The following GOLGB1 variants were observed in gnomAD, a reference collection of about 807,000 sequenced individuals.
The protein encoded by GOLGB1 is golgin subfamily B member 1.
A neutral mutation model predicts 336.9 loss-of-function variants in GOLGB1; 174 were observed. The ratio of observed to expected loss-of-function variants is 0.52; its 90% confidence interval spans 0.46 to 0.59. The LOEUF is 0.59. Ranked by LOEUF, GOLGB1 falls within the 20% of genes least tolerant of loss-of-function variation. The pLI is 0.00. For synonymous variants in GOLGB1, 1,208 were observed against 1,289.2 expected (o/e 0.94, Z 1.35); for missense variants, 3,331 against 3,645.3 (o/e 0.91, Z 2.22).
At chr3:121,725,887 T>C (rs1945551008) in intron 5 of GOLGB1, among the ~76,000 whole-genome samples, 2 of 152,076 alleles carry the variant, frequency 1.3e-5, no homozygotes, top group South Asian at 4.1e-4. Context: ...TTGCGCTGCC[T>C]TGCGACACCA....
chr3:121,692,284 A>C lies in GOLGB1; in HGVS notation c.7080T>G (p.Ser2360Arg). 1.2e-6 allele frequency: 2 copies of C among 1,611,506 alleles called. No individual in the cohort carries two copies. Among genetic ancestry groups the C allele is most frequent in the East Asian group, 2.2e-5 (1 of 44,876 alleles). ...QEADIQNSKFSYEQLETDLQA... is the reference protein window; with the variant it reads ...QEADIQNSKFRYEQLETDLQA... ...GAAGATCAGTCTCCAGTTGTTCATAACTGAACTTAGAATTTTGAATATCAG... is the reference window on the plus strand; with the variant it reads ...GAAGATCAGTCTCCAGTTGTTCATACCTGAACTTAGAATTTTGAATATCAG... Residue 2360 changes from serine to arginine, a missense_variant, in exon 14 of 22, where the codon AGT (serine) becomes AGG (arginine). Transcript: ENST00000614479.
chr3:121,697,397 C>T lies in GOLGB1; in HGVS notation c.3126G>A (p.Val1042=). ...ATTCTTTGTTTTCTTTATCTTCTTC[C>T]ACTTCTCCCCTCTCAGTCTCACTGA... ...IPLSETERGE[V]EEDKENKEYS... The change falls in exon 13 of 22, where the codon GTG becomes GTA. Residue 1042 remains valine (V), a synonymous_variant. Coordinates refer to ENST00000614479, the MANE Select transcript of GOLGB1 (RefSeq NM_001366282.2). The T allele has an allele frequency of 6.2e-7, 1 of 1,613,338 alleles. No homozygotes were observed. Among genetic ancestry groups the T allele is most frequent in the Middle Eastern group, 1.7e-4 (1 of 6,058 alleles).
intron 1 of GOLGB1, among the ~76,000 whole-genome samples, chr3:121,743,304 T>C (rs1947012522): frequency 6.6e-6 from 1 of 152,236 alleles, no homozygotes; most frequent in Admixed American, 6.5e-5. Flanking sequence ...GATGAGTTAA[T>C]GTCCTTGGCA....
intron 10 of GOLGB1, among the ~76,000 whole-genome samples, chr3:121,712,860 G>C (rs1944457484): frequency 1.3e-5 from 2 of 152,128 alleles, no homozygotes; most frequent in African/African-American, 2.4e-5. Context: ...TTTTAGGTGG[G>C]AGTATAAAAT....
At chr3:121,731,316 C>T (rs933563729) in intron 1 of GOLGB1, among the ~76,000 whole-genome samples, 3 of 151,982 alleles carry the variant, frequency 2.0e-5, no homozygotes, top group South Asian at 2.1e-4. Flanking sequence ...ATCTTTAATG[C>T]CCTTCTTTCA....
rs78322216 is a variant in GOLGB1, at chr3:121,677,213, C to A, written c.9039+72G>T. 0.1 allele frequency: 127,376 copies of A among 1,270,208 alleles called. 7,262 individuals carry two copies. Among genetic ancestry groups the A allele is most frequent in the African/African-American group, 0.19 (12,277 of 65,440 alleles). The allele number at this position is 1,270,208 out of a possible 1,614,324, so 78.7% of individuals were successfully genotyped here. A position where few individuals can be genotyped will look rare whatever the true frequency, so the allele number is the denominator to read the frequency against. On this transcript the variant is annotated intron_variant, in intron 16 of 21. Coordinates refer to ENST00000614479, the MANE Select transcript of GOLGB1 (RefSeq NM_001366282.2). Reference sequence around the variant, plus strand: ...TCTGGGTAGCGTCTTAAAAAAAAAACAAAACCCTGCAATCATCATCATTTG... The same window carrying A: ...TCTGGGTAGCGTCTTAAAAAAAAAAAAAAACCCTGCAATCATCATCATTTG...
In GOLGB1 at chr3:121,739,229, C is replaced by T. The variant is rs368677408; in HGVS notation, c.-2-8256G>A. On this transcript the variant is annotated intron_variant, in intron 1 of 21. Coordinates refer to ENST00000614479, the MANE Select transcript of GOLGB1 (RefSeq NM_001366282.2). Reference sequence around the variant, plus strand: ...GCAGTGAGCCATAATCACACCCCTACACTCCAGCCTGGGTGATAGAGTAAG... The same window carrying T: ...GCAGTGAGCCATAATCACACCCCTATACTCCAGCCTGGGTGATAGAGTAAG... 3.3e-5 allele frequency among the ~76,000 whole-genome samples: 5 copies of T among 152,162 alleles called. No individual in the cohort carries two copies. The East Asian group carries it at 5.8e-4, about 18-fold the overall frequency.
chr3:121,681,834 T>C lies in GOLGB1; in HGVS notation c.8726A>G (p.Tyr2909Cys), dbSNP rs1451795348. The change falls in exon 15 of 22, where the codon TAC (tyrosine) becomes TGC (cysteine). Residue 2909 changes from tyrosine to cysteine, a missense_variant. Coordinates refer to ENST00000614479, the MANE Select transcript of GOLGB1 (RefSeq NM_001366282.2). The stretch of plus-strand genomic sequence containing the variant: ...AGTGATCTCTTGATTAATCTGTAAG[T>C]ATTGCTGCTGCAGATTCTTCAATTC... ...LKELKNLQQQ[Y>C]LQINQEITEL... The C allele has an allele frequency of 6.2e-7, 1 of 1,605,778 alleles. No homozygotes were observed. The highest frequency in any genetic ancestry group is 8.5e-7 in the Non-Finnish European group (1 of 1,173,900).
intron 10 of GOLGB1, among the ~76,000 whole-genome samples, chr3:121,711,864 AAGTAC>A (rs1398888661): frequency 1.3e-5 from 2 of 152,236 alleles, no homozygotes; most frequent in Non-Finnish European, 2.9e-5. Context: ...GTAGATTTAA[AAGTAC>A]AGTAGTGTTG....
chr3:121,711,017 AC>A (rs1401414118), intron 10 of GOLGB1, among the ~76,000 whole-genome samples: 1 of 151,854 alleles, frequency 6.6e-6, no homozygotes, highest in East Asian at 1.9e-4. Context: ...ACATGGCAAA[AC>A]CCTGTCTCTA....
At position 121,695,173 on chromosome 3, in the gene GOLGB1, G is replaced by A. The variant is rs1042888430; in HGVS notation, c.5350C>T (p.His1784Tyr). Residue 1784 changes from histidine to tyrosine, a missense_variant, in exon 13 of 22, where the codon CAT becomes TAT. Coordinates refer to ENST00000614479, the MANE Select transcript of GOLGB1 (RefSeq NM_001366282.2). ...KQANLEATEKHDNQTNVTEEG... is the reference protein window; with the variant it reads ...KQANLEATEKYDNQTNVTEEG... ...TCAGTGACATTCGTTTGGTTATCAT[G>A]TTTCTCGGTGGCCTCTAGGTTAGCT... is the stretch of plus-strand genomic sequence containing the variant. The A allele has an allele frequency of 6.2e-7, 1 of 1,613,602 alleles. No homozygotes were observed. The highest frequency in any genetic ancestry group is 1.7e-5 in the Admixed American group (1 of 59,988).
intron 1 of GOLGB1, among the ~76,000 whole-genome samples, chr3:121,735,740 G>A (rs890693514): frequency 6.6e-6 from 1 of 152,144 alleles, no homozygotes; most frequent in Non-Finnish European, 1.5e-5. Flanking sequence ...GTATAGATAT[G>A]TATGCATTAT....
At chr3:121,706,408 A>AAG (rs145051900) in intron 10 of GOLGB1, among the ~76,000 whole-genome samples, 19,254 of 151,944 alleles carry the variant, frequency 0.13, 1,439 homozygotes, top group African/African-American at 0.2. Flanking sequence ...AGCAGGAAAA[A>AAG]AGAGAGAAGC....
At position 121,692,169 on chromosome 3, in the gene GOLGB1, C is replaced by T. The variant is rs1358638330; in HGVS notation, c.7195G>A (p.Ala2399Thr). 2 of 1,605,260 alleles carry T rather than the reference C, an allele frequency of 1.2e-6. No homozygotes were observed. Among genetic ancestry groups the T allele is most frequent in the Non-Finnish European group, 1.7e-6 (2 of 1,177,748 alleles). Residue 2399 changes from alanine to threonine, a missense_variant, in exon 14 of 22, where the codon GCA becomes ACA. Transcript: ENST00000614479. ...IISLLSGKEE[A>T]IQVAIAELRQ... ...AGTTCAGCAATAGCTACTTGGATTGCCTCTTCCTTGCCAGAAAGCAGGCTT... is the reference window on the plus strand; with the variant it reads ...AGTTCAGCAATAGCTACTTGGATTGTCTCTTCCTTGCCAGAAAGCAGGCTT...
At chr3:121,700,739 T>C (rs1943333815) in intron 11 of GOLGB1, among the ~76,000 whole-genome samples, 1 of 152,076 alleles carries the variant, frequency 6.6e-6, no homozygotes, top group Non-Finnish European at 1.5e-5. Context: ...CTTTTTTCTC[T>C]GCCTGGAATG....
intron 4 of GOLGB1, among the ~76,000 whole-genome samples, chr3:121,727,807 C>T (rs1214379612): frequency 6.6e-6 from 1 of 152,084 alleles, no homozygotes; most frequent in Non-Finnish European, 1.5e-5. Flanking sequence ...TCACATAAGT[C>T]AGTCAAGCAC....
intron 4 of GOLGB1, among the ~76,000 whole-genome samples, chr3:121,727,322 T>TATATATATA (rs1945747720): frequency 4.0e-5 from 1 of 24,952 alleles, no homozygotes; most frequent in South Asian, 1.7e-3. Flanking sequence ...ATATATATAT[T>TATATATATA]TTTTTTTTTT....
chr3:121,724,417 T>C, intron 5 of GOLGB1, among the ~76,000 whole-genome samples: 1 of 152,176 alleles, frequency 6.6e-6, no homozygotes, highest in East Asian at 1.9e-4. Flanking sequence ...CCAGTTTTTG[T>C]ATGGCCAAGA....
intron 11 of GOLGB1, among the ~76,000 whole-genome samples, chr3:121,700,674 G>A (rs1349165898): frequency 2.6e-5 from 4 of 151,996 alleles, no homozygotes; most frequent in Admixed American, 2.6e-4. Flanking sequence ...ACACTGGTCT[G>A]TTTTCTCTTC....
Sources: allele counts gnomAD v4.1 joint callset (sites outside exome capture counted in the v4.1 genomes callset), GRCh38; gene constraint gnomAD v4.1.1; transcripts MANE v1.5; gene names NCBI Gene and HGNC (gene_info 2026-07-23, HGNC 2026-07-21).